CLDN14: variants seen among roughly 807,000 people sequenced by gnomAD.
CLDN14 encodes claudin-14.
CLDN14 carries 2 observed loss-of-function variants against 2.1 expected under a neutral mutation model. The ratio of observed to expected loss-of-function variants is 0.96; its 90% CI spans 0.39 to 3.01. CLDN14 has a LOEUF of 3.01. CLDN14 is among the 30% of genes most tolerant of loss of function. CLDN14 has a pLI of 0.09. For missense variants in CLDN14, 298 were observed against 328.0 expected (o/e 0.91, Z 0.71); for synonymous variants, 136 against 154.4 (o/e 0.88, Z 0.88).
rs565180670 is a variant in CLDN14 at position 36,470,944 on chromosome 21, C to G, written c.-82+8551G>C. 5.3e-5 allele frequency among the ~76,000 whole-genome samples: 8 copies of G among 152,354 alleles called. No individual in the cohort carries two copies. In the East Asian group the frequency reaches 1.2e-3, roughly 22 times the overall value. ...TAAGCAGAGATTGTGCCACTGCACT[C>G]CAGCCTGAGTGAGAGAGCAACATCG... On this transcript the variant is annotated intron_variant, in intron 1 of 1. Coordinates refer to ENST00000399135, the MANE Select transcript of CLDN14 (RefSeq NM_001146079.2).
intron 1 of CLDN14, among the ~76,000 whole-genome samples, chr21:36,518,464 A>G (rs556720237): frequency 6.6e-6 from 1 of 151,856 alleles, no homozygotes; most frequent in Non-Finnish European, 1.5e-5. Flanking sequence ...GCCAGGCATG[A>G]TGGCAGGTGC....
intron 1 of CLDN14, among the ~76,000 whole-genome samples, chr21:36,558,238 C>T (rs1380948721): frequency 6.6e-6 from 1 of 151,988 alleles, no homozygotes; most frequent in Admixed American, 6.6e-5. Context: ...CCAGCTTTGT[C>T]CTTTCTTAAG....
intron 1 of CLDN14, among the ~76,000 whole-genome samples, chr21:36,514,622 A>ATGTGTGTGT (rs1491330369): frequency 4.5e-4 from 15 of 33,658 alleles, no homozygotes; most frequent in African/African-American, 7.8e-4. Flanking sequence ...CGTGAGAGAA[A>ATGTGTGTGT]GTGTGTGTGT....
At chr21:36,510,707 A>G (rs1323844028) in intron 1 of CLDN14, among the ~76,000 whole-genome samples, 1 of 152,238 alleles carries the variant, frequency 6.6e-6, no homozygotes, top group Non-Finnish European at 1.5e-5. Flanking sequence ...TGTAATGAAA[A>G]TTCCCCTTGA....
At chr21:36,530,568 T>C (rs1270179204) in intron 1 of CLDN14, among the ~76,000 whole-genome samples, 1 of 152,090 alleles carries the variant, frequency 6.6e-6, no homozygotes, top group Non-Finnish European at 1.5e-5. Context: ...CTAATAAATC[T>C]AACAAAGGGC....
intron 2 of CLDN14, among the ~76,000 whole-genome samples, chr21:36,488,220 C>CCCTTCCTGCCTT (rs2086917876): frequency 1.0e-5 from 1 of 97,238 alleles, no homozygotes; most frequent in Non-Finnish European, 2.1e-5. Flanking sequence ...ACTGTGATTC[C>CCCTTCCTGCCTT]CCTTCCTTCC....
rs192533139 is a variant in CLDN14 at position 36,538,238 on chromosome 21, C to T, written c.-219-27738G>A. Among the ~76,000 whole-genome samples, 666 of 152,178 alleles carry T rather than the reference C, an allele frequency of 4.4e-3. 1 individual carries two copies. The highest frequency in any genetic ancestry group is 0.014 in the Middle Eastern group (4 of 294). ...CATTTTCTGGAACCCCTAGTGTACC[C>T]CCAAACAACTCAAATGGTTGAGATC... On this transcript the variant is annotated intron_variant, in intron 1 of 2. Transcript: ENST00000342108.
chr21:36,528,627 G>C (rs1009933296), intron 1 of CLDN14, among the ~76,000 whole-genome samples: 8 of 152,310 alleles, frequency 5.3e-5, no homozygotes, highest in African/African-American at 1.9e-4. Flanking sequence ...CAGATATTGG[G>C]GTATGTGGGT....
At chr21:36,547,489 C>T (rs2087533365) in intron 1 of CLDN14, among the ~76,000 whole-genome samples, 1 of 152,176 alleles carries the variant, frequency 6.6e-6, no homozygotes, top group Non-Finnish European at 1.5e-5. Flanking sequence ...TTCCAGAGTA[C>T]TGTGAGCCTG....
intron 1 of CLDN14, among the ~76,000 whole-genome samples, chr21:36,541,504 T>A (rs538585969): frequency 6.6e-6 from 1 of 152,342 alleles, no homozygotes; most frequent in African/African-American, 2.4e-5. Flanking sequence ...AAGTTGAGTT[T>A]TATAAAGCCG....
chr21:36,522,430 G>T (rs1951700635), intron 1 of CLDN14, among the ~76,000 whole-genome samples: 1 of 152,172 alleles, frequency 6.6e-6, no homozygotes, highest in African/African-American at 2.4e-5. Flanking sequence ...ATGCGCTGGG[G>T]GTTTGCACAC....
chr21:36,512,458 G>A (rs2087193557), intron 1 of CLDN14, among the ~76,000 whole-genome samples: 1 of 152,194 alleles, frequency 6.6e-6, no homozygotes, highest in Admixed American at 6.5e-5. Context: ...AGTATGGCAT[G>A]CTCTCAGGAT....
intron 1 of CLDN14, among the ~76,000 whole-genome samples, chr21:36,534,580 G>T (rs555680655): frequency 7.9e-5 from 12 of 152,280 alleles, no homozygotes; most frequent in African/African-American, 2.6e-4. Context: ...ATAAGGAGAG[G>T]CTGGCTGACA....
At chr21:36,532,710 G>A (rs1244681971) in intron 1 of CLDN14, among the ~76,000 whole-genome samples, 1 of 152,168 alleles carries the variant, frequency 6.6e-6, no homozygotes, top group Non-Finnish European at 1.5e-5. Flanking sequence ...ACGCCAAAAG[G>A]ATAGGAAGGG....
chr21:36,495,716 T>G (rs777498056), intron 2 of CLDN14, among the ~76,000 whole-genome samples: 2 of 152,190 alleles, frequency 1.3e-5, no homozygotes, highest in Non-Finnish European at 1.5e-5. Flanking sequence ...TTAGAGAGTG[T>G]TCTTACCCCA....
chr21:36,501,760 G>A (rs1307997533), intron 2 of CLDN14, among the ~76,000 whole-genome samples: 1 of 152,098 alleles, frequency 6.6e-6, no homozygotes, highest in Non-Finnish European at 1.5e-5. Context: ...AAGGGCCCAT[G>A]GTTTTCTCTA....
At chr21:36,484,661 C>T (rs1221557710), upstream of CLDN14, among the ~76,000 whole-genome samples, 1 of 152,184 alleles carries the variant, frequency 6.6e-6, no homozygotes, top group South Asian at 2.1e-4. Context: ...ACACGTCGTT[C>T]TCTTCTTATA....
At position 36,498,244 on chromosome 21, in the gene CLDN14, A is replaced by G. The variant is rs2087057381; in HGVS notation, c.-82+12119T>C. Among the ~76,000 whole-genome samples the G allele has an allele frequency of 1.3e-5, 2 of 152,122 alleles. No individual in the cohort carries two copies. The highest frequency in any genetic ancestry group is 6.6e-5 in the Admixed American group (1 of 15,264). ...TCGAACTCCTGACCTCAGGCGGTCC[A>G]CCTGCCTTGGCCTCCCAAAGTGCTG... On this transcript the variant is annotated intron_variant, in intron 2 of 2. Coordinates refer to the CLDN14 transcript ENST00000342108. This position sits in a 1 kb window ranked among gnomAD's most constrained non-coding sequence, Gnocchi z 4.9.
chr21:36,549,681 G>A (rs923327774), intron 1 of CLDN14, among the ~76,000 whole-genome samples: 7 of 152,246 alleles, frequency 4.6e-5, no homozygotes, highest in African/African-American at 9.6e-5. Context: ...ATAGCCACTT[G>A]TCAGCACACA....
Sources: allele counts gnomAD v4.1 joint callset (sites outside exome capture counted in the v4.1 genomes callset), GRCh38; gene constraint gnomAD v4.1.1; non-coding constraint Gnocchi (gnomAD v3.1); transcripts MANE v1.5; gene names NCBI Gene and HGNC (gene_info 2026-07-23, HGNC 2026-07-21).